Variants in ROBO2 observed in about 807,000 individuals in gnomAD.
ROBO2 encodes the protein roundabout homolog 2.
A neutral mutation model predicts 160.8 loss-of-function variants in ROBO2; 53 were observed. That is an observed-to-expected ratio of 0.33 (90% CI 0.26 to 0.41). The LOEUF (loss-of-function observed/expected upper bound fraction) is 0.41, where lower values mean the gene tolerates loss of function less well. Among genes scored for constraint, ROBO2 ranks in the 10% least tolerant of loss-of-function variants. The pLI, the probability that ROBO2 is intolerant of heterozygous loss-of-function variation, is 1.00. For synonymous variants in ROBO2, 664 were observed against 611.7 expected (o/e 1.09, Z -1.26); for missense variants, 1,577 against 1,722.4 (o/e 0.92, Z 1.49).
intron 2 of ROBO2, among the ~76,000 whole-genome samples, chr3:77,326,488 C>G (rs943428653): frequency 2.0e-5 from 3 of 152,174 alleles, no homozygotes; most frequent in Admixed American, 1.3e-4. Flanking sequence ...AACCCCAAAT[C>G]ATTTCCATTT....
At chr3:75,942,351 G>C (rs1351058436) in intron 2 of ROBO2, among the ~76,000 whole-genome samples, 1 of 152,096 alleles carries the variant, frequency 6.6e-6, no homozygotes, top group Admixed American at 6.6e-5. Flanking sequence ...TATTGAATGT[G>C]TATTCCAAGA....
chr3:76,819,938 C>G (rs2065974815), intron 2 of ROBO2, among the ~76,000 whole-genome samples: 1 of 151,988 alleles, frequency 6.6e-6, no homozygotes, highest in South Asian at 2.1e-4. Flanking sequence ...TTAAACAAGT[C>G]AATCTCTATT....
chr3:77,078,975 G>T (rs1300357589), intron 1 of ROBO2, among the ~76,000 whole-genome samples: 1 of 152,026 alleles, frequency 6.6e-6, no homozygotes, highest in African/African-American at 2.4e-5. Flanking sequence ...ACAGAGTCTC[G>T]CTGTGTCACC....
intron 23 of ROBO2, among the ~76,000 whole-genome samples, chr3:77,628,462 T>C (rs1191971520): frequency 6.6e-6 from 1 of 151,202 alleles, no homozygotes; most frequent in Non-Finnish European, 1.5e-5. Flanking sequence ...GGGGGGTAAT[T>C]GTTTACCTAA....
At chr3:76,770,584 C>T (rs1306824229) in intron 2 of ROBO2, among the ~76,000 whole-genome samples, 2 of 151,182 alleles carry the variant, frequency 1.3e-5, no homozygotes, top group Non-Finnish European at 3.0e-5. Flanking sequence ...AATATGCACC[C>T]TTACACCCAA....
intron 2 of ROBO2, among the ~76,000 whole-genome samples, chr3:76,979,577 G>A (rs1460692572): frequency 6.6e-6 from 1 of 151,532 alleles, no homozygotes; most frequent in African/African-American, 2.4e-5. Context: ...TGGTATTGGG[G>A]TGTATGTGTG....
intron 2 of ROBO2, among the ~76,000 whole-genome samples, chr3:76,458,114 C>T (rs2077876119): frequency 6.6e-6 from 1 of 152,172 alleles, no homozygotes. Flanking sequence ...GCTTGAATTT[C>T]TCAGAAGAAA....
At chr3:77,029,527 A>G (rs1169261003) in intron 2 of ROBO2, among the ~76,000 whole-genome samples, 1 of 152,240 alleles carries the variant, frequency 6.6e-6, no homozygotes, top group Non-Finnish European at 1.5e-5. Flanking sequence ...GCCATAGGCA[A>G]TTGTGTAAAT....
At chr3:76,220,428 T>C (rs1049715609) in intron 2 of ROBO2, among the ~76,000 whole-genome samples, 10 of 152,152 alleles carry the variant, frequency 6.6e-5, no homozygotes, top group African/African-American at 2.4e-4. Flanking sequence ...AAAAGCTCGA[T>C]CCTCACACAG....
intron 2 of ROBO2, among the ~76,000 whole-genome samples, chr3:76,894,394 T>G (rs976524312): frequency 6.6e-6 from 1 of 152,148 alleles, no homozygotes; most frequent in African/African-American, 2.4e-5. Context: ...TTATTTAGTA[T>G]GTTTTACTAT....
intron 2 of ROBO2, among the ~76,000 whole-genome samples, chr3:76,178,599 A>G (rs955648884): frequency 3.9e-5 from 6 of 152,148 alleles, no homozygotes; most frequent in African/African-American, 2.4e-5. Context: ...ATCATAGGCA[A>G]TAATGTGGCA....
At chr3:75,912,008 T>G (rs1254050479) in intron 1 of ROBO2, among the ~76,000 whole-genome samples, 2 of 152,236 alleles carry the variant, frequency 1.3e-5, no homozygotes, top group African/African-American at 2.4e-5. Flanking sequence ...CATATATTAC[T>G]ATGGAGATAT....
At chr3:76,883,651 T>A (rs568710442) in intron 2 of ROBO2, among the ~76,000 whole-genome samples, 3 of 152,196 alleles carry the variant, frequency 2.0e-5, no homozygotes, top group Non-Finnish European at 2.9e-5. Flanking sequence ...CCGTATGATC[T>A]AAGGTTGCTA....
chr3:77,584,797 T>C (rs1016908758), intron 16 of ROBO2, among the ~76,000 whole-genome samples: 1 of 151,806 alleles, frequency 6.6e-6, no homozygotes, highest in African/African-American at 2.4e-5. Context: ...AATACAGGTA[T>C]ACCAAAAAGG....
At chr3:76,510,125 C>T (rs2081007708) in intron 2 of ROBO2, among the ~76,000 whole-genome samples, 1 of 152,156 alleles carries the variant, frequency 6.6e-6, no homozygotes, top group Admixed American at 6.5e-5. Context: ...TACATGAGAA[C>T]AAGACGTGCA....
intron 2 of ROBO2, among the ~76,000 whole-genome samples, chr3:76,110,221 C>T (rs2070163712): frequency 6.6e-6 from 1 of 151,942 alleles, no homozygotes; most frequent in Admixed American, 6.6e-5. Flanking sequence ...GACGTGATGG[C>T]AAACCTTCTT....
intron 2 of ROBO2, among the ~76,000 whole-genome samples, chr3:77,231,624 TA>T (rs2087226687): frequency 8.3e-6 from 1 of 120,328 alleles, no homozygotes; most frequent in African/African-American, 3.0e-5. Context: ...ATTACATTAT[TA>T]TTTTTTTTCC....
At chr3:77,254,142 C>T (rs986568135) in intron 2 of ROBO2, among the ~76,000 whole-genome samples, 7 of 152,160 alleles carry the variant, frequency 4.6e-5, no homozygotes, top group Non-Finnish European at 7.3e-5. Flanking sequence ...TATGGTGGTG[C>T]ACCTGTGGTC....
At chr3:77,299,041 A>G (rs940701241) in intron 2 of ROBO2, among the ~76,000 whole-genome samples, 2 of 152,184 alleles carry the variant, frequency 1.3e-5, no homozygotes, top group Non-Finnish European at 2.9e-5. Flanking sequence ...TTTAAATTAG[A>G]CATTGAATGA....
Sources: gnomAD v4.1 joint callset for allele counts (sites outside exome capture counted in the v4.1 genomes callset) on GRCh38, gnomAD v4.1.1 for gene constraint, MANE v1.5 for transcripts, NCBI Gene and HGNC (gene_info 2026-07-23, HGNC 2026-07-21) for gene names.